LRIF1: variants seen among roughly 807,000 people sequenced by gnomAD.
LRIF1 encodes ligand dependent nuclear receptor interacting factor 1.
In LRIF1, 32 loss-of-function variants were observed where a neutral mutation model predicts 52.7. That is an observed-to-expected ratio of 0.61 (90% confidence interval 0.46 to 0.82). The LOEUF is 0.82. Among genes scored for constraint, LRIF1 ranks in the 40% least tolerant of loss-of-function variants. LRIF1 has a pLI of 0.00. For missense variants in LRIF1, 887 were observed against 892.0 expected (o/e 0.99, Z 0.07); for synonymous variants, 323 against 317.4 (o/e 1.02, Z -0.19).
chr1:110,963,072 A>T (rs1269676183), intron 1 of LRIF1, among the ~76,000 whole-genome samples: 1 of 152,238 alleles, frequency 6.6e-6, no homozygotes, highest in African/African-American at 2.4e-5. Context: ...GTTCAAAAGG[A>T]CTGACTTTAC....
the LRIF1 span, among the ~76,000 whole-genome samples, chr1:110,890,125 T>C: frequency 1.3e-5 from 2 of 152,140 alleles, no homozygotes; most frequent in Non-Finnish European, 2.9e-5. Flanking sequence ...AAGGAGATAC[T>C]ATGGATTGCA....
the LRIF1 span, among the ~76,000 whole-genome samples, chr1:110,935,778 T>C: frequency 1.3e-5 from 2 of 152,096 alleles, no homozygotes; most frequent in African/African-American, 4.8e-5. Flanking sequence ...CTAGAAAGCC[T>C]ATTCAAAGGG....
At position 110,951,406 on chromosome 1, in the gene LRIF1, G is replaced by T; in HGVS notation, c.1478C>A (p.Thr493Lys). The T allele has an allele frequency of 6.2e-7, 1 of 1,614,082 alleles. No homozygotes were observed. The highest frequency in any genetic ancestry group is 8.5e-7 in the Non-Finnish European group (1 of 1,179,998). Residue 493 changes from threonine to lysine, a missense_variant, in exon 2 of 4, where the codon ACA becomes AAA. Coordinates refer to ENST00000369763, the MANE Select transcript of LRIF1 (RefSeq NM_018372.4). ...TCCTTTTCTAGCATAAATGACGGCT[G>T]TTACTTTTCTGGGGGCATTGTGTCC... Reference protein sequence around the residue: ...STGHNAPRKVTAVIYARKGSV... With the variant: ...STGHNAPRKVKAVIYARKGSV...
the LRIF1 span, chr1:110,891,568 T>C: frequency 1.1e-6 from 1 of 903,014 alleles, no homozygotes; most frequent in Non-Finnish European, 1.9e-6. Context: ...GTAAAATGCA[T>C]GCGTGTTTGG....
the LRIF1 span, among the ~76,000 whole-genome samples, chr1:110,906,104 AGAAG>A: frequency 2.0e-5 from 3 of 152,310 alleles, no homozygotes; most frequent in South Asian, 2.1e-4. Context: ...CAAGAAAGAA[AGAAG>A]GAAGAGAAGA....
chr1:110,949,320 A>C (rs183958610), intron 3 of LRIF1, among the ~76,000 whole-genome samples: 155 of 151,738 alleles, frequency 1.0e-3, no homozygotes, highest in African/African-American at 3.6e-3. Context: ...GGGTTTCACC[A>C]TGTTGGCCAA....
At position 110,952,260 on chromosome 1, in the gene LRIF1, C is replaced by G. The variant is rs770495595; in HGVS notation, c.624G>C (p.Lys208Asn). The G allele has an allele frequency of 6.2e-7, 1 of 1,614,188 alleles. No individual in the cohort carries two copies. The highest frequency in any genetic ancestry group is 1.1e-5 in the South Asian group (1 of 91,086). The change falls in exon 2 of 4, where the codon AAG becomes AAC. Residue 208 changes from lysine (K) to asparagine (N), a missense_variant. Physicochemically the swap from Lys to Asn is moderately conservative, Grantham distance 94. Coordinates refer to ENST00000369763, the MANE Select transcript of LRIF1 (RefSeq NM_018372.4). ...ASSLPPSVQQ[K>N]ILATATTSTS... ...TACTGGTGGTGGCAGTTGCAAGTAT[C>G]TTTTGCTGCACTGAAGGAGGCAATG...
the LRIF1 span, among the ~76,000 whole-genome samples, chr1:110,910,292 C>CAA: frequency 0.018 from 2,383 of 134,414 alleles, 36 homozygotes; most frequent in African/African-American, 0.041. Flanking sequence ...AAGCAATTCT[C>CAA]AAAAAAAAAA....
chr1:110,886,872 T>A, the LRIF1 span, among the ~76,000 whole-genome samples: 185 of 143,822 alleles, frequency 1.3e-3, no homozygotes, highest in South Asian at 2.6e-3. Flanking sequence ...TATATATATT[T>A]TTTTTTTCTG....
chr1:110,930,397 G>A, the LRIF1 span, among the ~76,000 whole-genome samples: 3 of 152,170 alleles, frequency 2.0e-5, no homozygotes, highest in African/African-American at 7.2e-5. Flanking sequence ...CTGAAAGCTA[G>A]GATCAAGAGT....
chr1:110,960,684 T>C (rs1462547683), intron 1 of LRIF1, among the ~76,000 whole-genome samples: 1 of 152,158 alleles, frequency 6.6e-6, no homozygotes, highest in Non-Finnish European at 1.5e-5. Flanking sequence ...AATTTACCAA[T>C]ATCCACCCAG....
the LRIF1 span, among the ~76,000 whole-genome samples, chr1:110,904,022 T>TACAGGGTGAGG: frequency 6.6e-6 from 1 of 152,138 alleles, no homozygotes; most frequent in Non-Finnish European, 1.5e-5. Flanking sequence ...TGGTAGTGGC[T>TACAGGGTGAGG]ACAGGGTGAG....
the LRIF1 span, among the ~76,000 whole-genome samples, chr1:110,912,455 A>G: frequency 3.9e-5 from 6 of 152,120 alleles, no homozygotes; most frequent in African/African-American, 1.2e-4. Flanking sequence ...CAGGTAATCC[A>G]CTTGCCTCAG....
At chr1:110,891,367 T>A in the LRIF1 span, 5 of 1,506,420 alleles carry the variant, frequency 3.3e-6, no homozygotes, top group Non-Finnish European at 4.6e-6. Context: ...TGAGGTAACT[T>A]ACTTTCTTCT....
At chr1:110,899,667 G>T in the LRIF1 span, 1 of 161,352 alleles carries the variant, frequency 6.2e-6, no homozygotes, top group South Asian at 1.7e-4. Flanking sequence ...CTTTGACTAA[G>T]TGCCCTGGCT....
At position 110,952,143 on chromosome 1, in the gene LRIF1, T is replaced by C. The variant is rs780339442; in HGVS notation, c.741A>G (p.Gln247=). The change falls in exon 2 of 4, where the codon CAA becomes CAG. Residue 247 remains glutamine, a synonymous_variant. Coordinates refer to ENST00000369763, the MANE Select transcript of LRIF1 (RefSeq NM_018372.4). ...CTGTAACAGGTTTTGGGTAAATGTT[T>C]TGAAAGTTCTTGGTAACTACATTTT... ...TVKNVVTKNF[Q]NIYPKPVTEI... is the part of the protein sequence containing the mutation. 3 of 1,614,188 alleles carry C rather than the reference T, an allele frequency of 1.9e-6. No individual in the cohort carries two copies. The highest frequency in any genetic ancestry group is 2.5e-6 in the Non-Finnish European group (3 of 1,180,016).
At chr1:110,888,466 G>A in the LRIF1 span, among the ~76,000 whole-genome samples, 97,383 of 152,002 alleles carry the variant, frequency 0.64, 33,236 homozygotes, top group Non-Finnish European at 0.77. Context: ...TTTATTTCCC[G>A]TCTCTCATGG....
the LRIF1 span, among the ~76,000 whole-genome samples, chr1:110,913,441 G>T: frequency 2.6e-5 from 4 of 152,044 alleles, no homozygotes; most frequent in African/African-American, 7.2e-5. Context: ...AATTTATAAG[G>T]AACTTAAATT....
At chr1:110,957,483 A>AAAAAAAT (rs1658752921) in intron 1 of LRIF1, among the ~76,000 whole-genome samples, 1 of 148,816 alleles carries the variant, frequency 6.7e-6, no homozygotes, top group Non-Finnish European at 1.5e-5. Flanking sequence ...AAAAAAAAAA[A>AAAAAAAT]AAAAAAAAAG....
Sources: allele counts gnomAD v4.1 joint callset (sites outside exome capture counted in the v4.1 genomes callset), GRCh38; gene constraint gnomAD v4.1.1; transcripts MANE v1.5; gene names NCBI Gene and HGNC (gene_info 2026-07-23, HGNC 2026-07-21).